MEGF6: variants seen among roughly 807,000 people sequenced by gnomAD.
MEGF6 encodes the protein multiple EGF like domains 6, also known as multiple epidermal growth factor-like domains protein 6.
MEGF6 carries 184 observed loss-of-function variants against 207.1 expected under a neutral mutation model. The ratio of observed to expected loss-of-function variants is 0.89; its 90% CI spans 0.79 to 1.00. MEGF6 has a LOEUF of 1.00. Ranked by LOEUF, MEGF6 falls within the 50% of genes least tolerant of loss-of-function variation. MEGF6 has a pLI of 0.00. For missense variants in MEGF6, 2,282 were observed against 2,202.9 expected, an observed-to-expected ratio of 1.04 and a Z score of -0.72; for synonymous variants, 1,038 against 910.0, an observed-to-expected ratio of 1.14 and a Z score of -2.53.
intron 2 of MEGF6, among the ~76,000 whole-genome samples, chr1:3,601,933 C>G (rs924786497): frequency 6.6e-6 from 1 of 152,244 alleles, no homozygotes; most frequent in South Asian, 2.1e-4. Flanking sequence ...CACAGACACA[C>G]GGAAACTCTC....
At chr1:3,602,328 A>C in intron 2 of MEGF6, 138 bp downstream of exon 2, 1 of 1,323,200 alleles carries the variant, frequency 7.6e-7, no homozygotes, top group South Asian at 1.4e-5. Context: ...TCATGCTCAG[A>C]TGAGGGCTTC....
At chr1:3,498,000 G>C (rs1026459520) in intron 26 of MEGF6, among the ~76,000 whole-genome samples, 4 of 152,134 alleles carry the variant, frequency 2.6e-5, no homozygotes, top group African/African-American at 9.7e-5. Flanking sequence ...GCCACAGCCA[G>C]ACTCCCACTG....
chr1:3,501,514 C>A (rs1020091741), intron 18 of MEGF6, among the ~76,000 whole-genome samples: 23 of 152,106 alleles, frequency 1.5e-4, no homozygotes, highest in Admixed American at 1.0e-3. Context: ...GACCCCCAGC[C>A]CCCGGCACCG....
intron 10 of MEGF6, 148 bp from the exon 11 acceptor site, chr1:3,510,140 C>T (rs1356532618): frequency 7.9e-6 from 9 of 1,141,162 alleles, no homozygotes; most frequent in Middle Eastern, 2.6e-4. Context: ...GTAAAACTCA[C>T]CCTCAGCCAC....
intron 2 of MEGF6, among the ~76,000 whole-genome samples, chr1:3,601,778 T>C (rs1258696552): frequency 3.9e-5 from 6 of 152,350 alleles, no homozygotes; most frequent in East Asian, 1.9e-4. Context: ...CAGAGCCCCC[T>C]GGAGCAGGTA....
rs1446712795 is a variant in MEGF6 at position 3,501,004 on chromosome 1, C to T, written c.2537G>A (p.Ser846Asn). Residue 846 changes from serine (S) to asparagine (N), a missense_variant, in exon 20 of 37, where the codon AGC (serine) becomes AAC (asparagine). Physicochemically the swap from Ser to Asn is conservative, Grantham distance 46. Transcript: ENST00000356575. ...GHCHPATGHC[S>N]CAPGWTGFSC... is the part of the protein sequence containing the mutation. ...AAAGCCGGTCCACCCGGGGGCACAG[C>T]TGCAGTGTCCGGTGGCTGGGTGGCA... 5.0e-6 allele frequency: 8 copies of T among 1,612,418 alleles called. No individual in the cohort carries two copies. Among genetic ancestry groups the T allele is most frequent in the South Asian group, 1.1e-5 (1 of 91,062 alleles).
At chr1:3,570,106 T>C (rs1308927304) in intron 4 of MEGF6, among the ~76,000 whole-genome samples, 2 of 152,206 alleles carry the variant, frequency 1.3e-5, no homozygotes, top group Admixed American at 6.5e-5. Context: ...TCTCCCCAGC[T>C]GTCCTGTCGA....
intron 35 of MEGF6, 60 bp from the exon 36 acceptor site, chr1:3,491,019 T>C (rs1009589372): frequency 1.0e-5 from 15 of 1,485,520 alleles, no homozygotes; most frequent in African/African-American, 4.2e-5. Flanking sequence ...GCCACAGTAA[T>C]GGCAGCAAGG....
intron 21 of MEGF6, 55 bp from the exon 22 acceptor site, chr1:3,499,979 G>C (rs1640788552): frequency 6.7e-7 from 1 of 1,501,986 alleles, no homozygotes; most frequent in Admixed American, 2.1e-5. Flanking sequence ...GCCTGACCCA[G>C]CCGTGCCCGG....
Position 3,601,988 on chromosome 1 carries a change from G to A in MEGF6, c.266+478C>T, listed in dbSNP as rs184558382. On this transcript the variant is annotated intron_variant, in intron 2 of 36. Transcript: ENST00000356575. ...CAGCTCCCGGCACAACCCGCTTTGC[G>A]GCAGGGCTGGCTCTGCAGAGCCTGA... 2.4e-3 allele frequency among the ~76,000 whole-genome samples: 367 copies of A among 152,332 alleles called. 2 individuals are homozygous for A. Among genetic ancestry groups the A allele is most frequent in the African/African-American group, 8.2e-3 (339 of 41,584 alleles).
In MEGF6 at chr1:3,513,804, C is replaced by T. The variant is rs956528824; in HGVS notation, c.853+746G>A. ...ACAGGGTCTCGCCATGCTGCCTAGG[C>T]TGGTCTTGAGCAACTTGGCTTAAGT... On this transcript the variant is annotated intron_variant, in intron 7 of 36. Transcript: ENST00000356575. 2.6e-5 allele frequency among the ~76,000 whole-genome samples: 4 copies of T among 151,608 alleles called. No individual in the cohort carries two copies. In the South Asian group the frequency reaches 8.3e-4, roughly 32 times the overall value.
intron 4 of MEGF6, among the ~76,000 whole-genome samples, chr1:3,529,375 A>T (rs951258474): frequency 6.6e-6 from 1 of 152,134 alleles, no homozygotes; most frequent in Non-Finnish European, 1.5e-5. Flanking sequence ...AGGCAAATCC[A>T]CTGTCCCTGT....
intron 3 of MEGF6, among the ~76,000 whole-genome samples, chr1:3,587,061 T>C (rs1643903342): frequency 6.6e-6 from 1 of 152,238 alleles, no homozygotes; most frequent in Non-Finnish European, 1.5e-5. Context: ...ATAGCACCCT[T>C]GACATAAGTA....
chr1:3,610,923 G>T (rs1232623805), intron 1 of MEGF6, among the ~76,000 whole-genome samples: 1 of 152,160 alleles, frequency 6.6e-6, no homozygotes, highest in Non-Finnish European at 1.5e-5. Context: ...AGAGTGGGAG[G>T]GGGGGAGGGG....
At chr1:3,542,070 G>A (rs1053470939) in intron 4 of MEGF6, among the ~76,000 whole-genome samples, 11 of 152,182 alleles carry the variant, frequency 7.2e-5, no homozygotes, top group Non-Finnish European at 1.3e-4. Context: ...CCCAGACCCG[G>A]CCTGGCCGCC....
rs1557795341 is a variant in MEGF6, at chr1:3,583,906, G to GCCACCAGACAACGCA, written c.377-3978_377-3977insTGCGTTGTCTGGTGG. On this transcript the variant is annotated intron_variant, in intron 3 of 36. Transcript: ENST00000356575. ...ACAACGCGCAGCCACCAGACAACGC[G>GCCACCAGACAACGCA]CAGCCACCAGACAATGCACAGCCAC... Among the ~76,000 whole-genome samples, 30 of 147,818 alleles carry GCCACCAGACAACGCA rather than the reference G, an allele frequency of 2.0e-4. 6 individuals are homozygous for GCCACCAGACAACGCA. The highest frequency in any genetic ancestry group is 7.1e-4 in the African/African-American group (28 of 39,418).
At chr1:3,603,267 G>A (rs999149364) in intron 1 of MEGF6, among the ~76,000 whole-genome samples, 1 of 152,124 alleles carries the variant, frequency 6.6e-6, no homozygotes, top group Non-Finnish European at 1.5e-5. Context: ...AGACCCCACC[G>A]GGCTCGGAGC....
chr1:3,623,792 C>T, the MEGF6 span, among the ~76,000 whole-genome samples: 1 of 152,220 alleles, frequency 6.6e-6, no homozygotes, highest in Non-Finnish European at 1.5e-5. Context: ...TTGGGCAACA[C>T]TCCCTCTAGG....
At chr1:3,516,061 G>A (rs1325580924) in intron 5 of MEGF6, among the ~76,000 whole-genome samples, 1 of 152,214 alleles carries the variant, frequency 6.6e-6, no homozygotes, top group African/African-American at 2.4e-5. Flanking sequence ...CAGTTCCCAA[G>A]GGACCAGCAC....
Sources: gnomAD v4.1 joint callset for allele counts (sites outside exome capture counted in the v4.1 genomes callset) on GRCh38, gnomAD v4.1.1 for gene constraint, MANE v1.5 for transcripts, NCBI Gene and HGNC (gene_info 2026-07-23, HGNC 2026-07-21) for gene names.